Variants in MACROD2 observed in about 807,000 individuals in gnomAD.
The protein encoded by MACROD2 is ADP-ribose glycohydrolase MACROD2.
Under a neutral mutation model 70.4 loss-of-function variants are expected in MACROD2, and 36 were observed. The ratio of observed to expected loss-of-function variants is 0.51; its 90% CI spans 0.39 to 0.68. The LOEUF (loss-of-function observed/expected upper bound fraction) is 0.68. MACROD2 is among the 30% of genes least tolerant of loss of function. The pLI is 0.00. For synonymous variants in MACROD2, 172 were observed against 178.8 expected (o/e 0.96, Z 0.30); for missense variants, 496 against 538.4 (o/e 0.92, Z 0.78).
chr20:14,364,090 C>T (rs979386164), intron 3 of MACROD2, among the ~76,000 whole-genome samples: 5 of 152,078 alleles, frequency 3.3e-5, no homozygotes, highest in East Asian at 1.9e-4. Context: ...TGGTTTTCTA[C>T]TTTTAGAATT....
At chr20:14,039,168 T>A (rs28460409) in intron 2 of MACROD2, among the ~76,000 whole-genome samples, 1 of 152,176 alleles carries the variant, frequency 6.6e-6, no homozygotes, top group African/African-American at 2.4e-5. Context: ...CTTTTAAAAA[T>A]TTTTTATGTT....
intron 5 of MACROD2, among the ~76,000 whole-genome samples, chr20:14,800,919 C>T (rs1185232447): frequency 1.3e-5 from 2 of 151,924 alleles, no homozygotes; most frequent in African/African-American, 4.8e-5. Context: ...ATTAAATCTG[C>T]CACAACAGTC....
chr20:14,532,697 C>T (rs2085321499), intron 4 of MACROD2, among the ~76,000 whole-genome samples: 1 of 152,038 alleles, frequency 6.6e-6, no homozygotes, highest in Non-Finnish European at 1.5e-5. Flanking sequence ...ACTTGGTTGC[C>T]TGTTGTTCAA....
chr20:15,729,036 C>T (rs1219641472), intron 8 of MACROD2, among the ~76,000 whole-genome samples: 1 of 152,092 alleles, frequency 6.6e-6, no homozygotes, highest in African/African-American at 2.4e-5. Context: ...AACATTTCTT[C>T]TTAACATTAC....
intron 3 of MACROD2, among the ~76,000 whole-genome samples, chr20:14,429,660 A>G (rs879265355): frequency 6.6e-6 from 1 of 152,174 alleles, no homozygotes; most frequent in East Asian, 1.9e-4. Flanking sequence ...GTCAGGCATC[A>G]GCACCTTTTT....
rs117064837 is a variant in MACROD2, at chr20:14,515,381, A to G, written c.301+21873A>G. 2.5e-4 allele frequency among the ~76,000 whole-genome samples: 38 copies of G among 151,970 alleles called. No individual in the cohort carries two copies. In the East Asian group the frequency reaches 7.2e-3, roughly 29 times the overall value. On this transcript the variant is annotated intron_variant, in intron 4 of 17. Coordinates refer to ENST00000684519, the MANE Select transcript of MACROD2 (RefSeq NM_001351661.2). ...TCTGCACTCCCATGTTTATTGTACC[A>G]TTATTCACATAGCCAAGATATGGAA... is the stretch of plus-strand genomic sequence containing the variant.
chr20:14,924,880 AG>A (rs1051732792), intron 5 of MACROD2, among the ~76,000 whole-genome samples: 4 of 152,184 alleles, frequency 2.6e-5, no homozygotes, highest in African/African-American at 7.2e-5. Context: ...CTGAAAGGGA[AG>A]GTACAAATCT....
At chr20:15,175,643 GATGAA>G (rs926954988) in intron 5 of MACROD2, among the ~76,000 whole-genome samples, 1 of 152,162 alleles carries the variant, frequency 6.6e-6, no homozygotes, top group Non-Finnish European at 1.5e-5. Context: ...CCATTTGGGG[GATGAA>G]ATAGAAATTT....
At chr20:16,011,814 T>A (rs75722625) in intron 15 of MACROD2, among the ~76,000 whole-genome samples, 101 of 152,326 alleles carry the variant, frequency 6.6e-4, no homozygotes, top group Non-Finnish European at 5.4e-4. Context: ...AATGCAGTGA[T>A]GGATTCCAGA....
chr20:15,883,239 T>C (rs1010638114), intron 9 of MACROD2, among the ~76,000 whole-genome samples: 7 of 151,942 alleles, frequency 4.6e-5, no homozygotes, highest in Non-Finnish European at 7.4e-5. Flanking sequence ...CTCTTTTTTA[T>C]CTCTCTCTCT....
At chr20:15,973,948 C>T (rs1357841669) in intron 13 of MACROD2, among the ~76,000 whole-genome samples, 1 of 152,084 alleles carries the variant, frequency 6.6e-6, no homozygotes, top group African/African-American at 2.4e-5. Context: ...AAATAAAAAC[C>T]TGTTGAAAAT....
chr20:15,281,169 C>T (rs376999704), intron 6 of MACROD2, among the ~76,000 whole-genome samples: 6 of 152,130 alleles, frequency 3.9e-5, no homozygotes, highest in African/African-American at 1.2e-4. Flanking sequence ...CCACTTGGTC[C>T]CCCACTTGAC....
At chr20:15,576,552 GTT>G (rs11473854) in intron 8 of MACROD2, among the ~76,000 whole-genome samples, 1 of 145,752 alleles carries the variant, frequency 6.9e-6, no homozygotes, top group Non-Finnish European at 1.5e-5. Flanking sequence ...TGCACAAAAT[GTT>G]TTTTTTTTTT....
At chr20:15,716,717 C>T (rs2050713186) in intron 8 of MACROD2, among the ~76,000 whole-genome samples, 1 of 152,182 alleles carries the variant, frequency 6.6e-6, no homozygotes, top group Non-Finnish European at 1.5e-5. Flanking sequence ...TAAAAACTCA[C>T]AGTGAAAGCC....
intron 2 of MACROD2, among the ~76,000 whole-genome samples, chr20:14,038,943 G>C (rs1179407236): frequency 5.9e-5 from 9 of 152,004 alleles, no homozygotes; most frequent in Admixed American, 5.9e-4. Context: ...ATTTTTTTAA[G>C]TTGGTAGGAT....
intron 2 of MACROD2, among the ~76,000 whole-genome samples, chr20:14,061,374 A>G (rs2053688912): frequency 6.6e-6 from 1 of 152,160 alleles, no homozygotes; most frequent in South Asian, 2.1e-4. Context: ...ATAACAAGAA[A>G]TAAAATTTCT....
chr20:14,164,677 C>T (rs1332160973), intron 3 of MACROD2, among the ~76,000 whole-genome samples: 1 of 152,006 alleles, frequency 6.6e-6, no homozygotes, highest in Non-Finnish European at 1.5e-5. Flanking sequence ...GTGGGCCTGA[C>T]CGCAGGCTCT....
chr20:14,652,493 A>G (rs571628865), intron 4 of MACROD2, among the ~76,000 whole-genome samples: 2 of 152,294 alleles, frequency 1.3e-5, no homozygotes, highest in African/African-American at 2.4e-5. Context: ...GAGATTGACT[A>G]TTGAATTTAA....
chr20:14,719,835 ATGTG>A (rs368421688), intron 5 of MACROD2, among the ~76,000 whole-genome samples: 12 of 152,154 alleles, frequency 7.9e-5, no homozygotes, highest in African/African-American at 2.9e-4. Context: ...CCTGCTCTCC[ATGTG>A]TGCGCAATCT....
Sources: allele counts gnomAD v4.1 joint callset (sites outside exome capture counted in the v4.1 genomes callset), GRCh38; gene constraint gnomAD v4.1.1; transcripts MANE v1.5; gene names NCBI Gene and HGNC (gene_info 2026-07-23, HGNC 2026-07-21).